The following TSHZ3 variants were observed in gnomAD, a reference collection of about 807,000 sequenced individuals.
TSHZ3 encodes the protein teashirt homolog 3.
A neutral mutation model predicts 64.5 loss-of-function variants in TSHZ3; 10 were observed. That is an observed-to-expected ratio of 0.16 (90% CI 0.10 to 0.26). TSHZ3 has a LOEUF of 0.26. Ranked by LOEUF, TSHZ3 falls within the 10% of genes least tolerant of loss-of-function variation. The pLI, the probability that TSHZ3 is intolerant of heterozygous loss-of-function variation, is 1.00. For synonymous variants in TSHZ3, 608 were observed against 593.1 expected (o/e 1.03, Z -0.36); for missense variants, 1,242 against 1,421.7 (o/e 0.87, Z 2.03).
chr19:31,202,863 T>A (rs1975108000), intron 5 of TSHZ3, among the ~76,000 whole-genome samples: 2 of 152,206 alleles, frequency 1.3e-5, no homozygotes, highest in Non-Finnish European at 2.9e-5. Flanking sequence ...CATTTGTTCA[T>A]GCAACAACTG....
At chr19:31,307,043 C>CA (rs113613435) in intron 1 of TSHZ3, among the ~76,000 whole-genome samples, 49 of 137,826 alleles carry the variant, frequency 3.6e-4, no homozygotes, top group Middle Eastern at 3.8e-3. Flanking sequence ...AATTAGAAGC[C>CA]AAAAAAAAAA....
At chr19:31,286,515 AC>A (rs1223836183) in intron 1 of TSHZ3, among the ~76,000 whole-genome samples, 1 of 152,240 alleles carries the variant, frequency 6.6e-6, no homozygotes, top group African/African-American at 2.4e-5. Flanking sequence ...CATTTTGCAG[AC>A]AAGGAAACAG....
intron 5 of TSHZ3, chr19:31,167,707 T>C (rs763827321): frequency 6.6e-6 from 1 of 152,198 alleles, no homozygotes; most frequent in South Asian, 2.1e-4. Flanking sequence ...AAAGAAATAC[T>C]TCATTGTCAC....
At chr19:31,175,858 C>A (rs1568337589) in intron 5 of TSHZ3, among the ~76,000 whole-genome samples, 1 of 152,228 alleles carries the variant, frequency 6.6e-6, no homozygotes. Flanking sequence ...CTGGCATCAG[C>A]CTTTACTTAG....
intron 5 of TSHZ3, among the ~76,000 whole-genome samples, chr19:31,179,546 C>A (rs958807800): frequency 6.6e-6 from 1 of 152,090 alleles, no homozygotes; most frequent in Admixed American, 6.5e-5. Context: ...AATCTATCCC[C>A]GTGATGAAGA....
intron 5 of TSHZ3, among the ~76,000 whole-genome samples, chr19:31,177,570 CAT>C (rs1368588459): frequency 6.6e-6 from 1 of 152,246 alleles, no homozygotes; most frequent in Non-Finnish European, 1.5e-5. Context: ...TACAAGGACA[CAT>C]GTGCTTGCAT....
intron 5 of TSHZ3, among the ~76,000 whole-genome samples, chr19:31,175,872 C>T (rs1170806197): frequency 2.0e-5 from 3 of 152,352 alleles, no homozygotes; most frequent in East Asian, 1.9e-4. Flanking sequence ...TACTTAGCCC[C>T]GCATCTCTGC....
intron 1 of TSHZ3, among the ~76,000 whole-genome samples, chr19:31,248,063 G>C (rs1975781593): frequency 6.6e-6 from 1 of 152,090 alleles, no homozygotes; most frequent in South Asian, 2.1e-4. Flanking sequence ...CCAAGTGCAA[G>C]CAGAAACCCC....
chr19:31,154,766 C>G (rs972907491), intron 6 of TSHZ3, among the ~76,000 whole-genome samples: 1 of 152,174 alleles, frequency 6.6e-6, no homozygotes, highest in Non-Finnish European at 1.5e-5. Flanking sequence ...CAGAGAGAAT[C>G]AGGAAAGTGT....
At chr19:31,324,603 C>A (rs536598106) in intron 1 of TSHZ3, among the ~76,000 whole-genome samples, 1 of 152,190 alleles carries the variant, frequency 6.6e-6, no homozygotes, top group Admixed American at 6.5e-5. Context: ...AGGCCTATGG[C>A]CTCTGGTATA....
chr19:31,249,321 T>C (rs890409712), intron 1 of TSHZ3, among the ~76,000 whole-genome samples: 1 of 152,208 alleles, frequency 6.6e-6, no homozygotes, highest in Non-Finnish European at 1.5e-5. Context: ...TTGAAACGCA[T>C]GTGCCTTTCC....
rs34646379 is a variant in TSHZ3, at chr19:31,305,318, G to GAA, written c.41-25568_41-25567dup. On this transcript the variant is annotated intron_variant, in intron 1 of 1. Transcript: ENST00000240587. ...GTGGTGAATTCTGCTGTCTGGAAAG[G>GAA]AAAAAAAAAAAAAGCCGCGTGTCAG... is the stretch of plus-strand genomic sequence containing the variant. Among the ~76,000 whole-genome samples, 53 of 139,694 alleles carry GAA rather than the reference G, an allele frequency of 3.8e-4. No homozygotes were observed. In the East Asian group the frequency reaches 8.1e-3, roughly 21 times the overall value. The allele number at this position is 139,694 out of a possible 152,430, so 91.6% of individuals were successfully genotyped here.
At chr19:31,272,457 T>A (rs555559148), downstream of TSHZ3, among the ~76,000 whole-genome samples, 1 of 152,240 alleles carries the variant, frequency 6.6e-6, no homozygotes, top group African/African-American at 2.4e-5. Context: ...AATATATATA[T>A]TTTTTCCTTT....
intron 5 of TSHZ3, among the ~76,000 whole-genome samples, chr19:31,168,063 T>A (rs1974480039): frequency 6.6e-6 from 1 of 152,124 alleles, no homozygotes; most frequent in Non-Finnish European, 1.5e-5. Flanking sequence ...AAGTGAATAA[T>A]TAGATCAGAG....
intron 1 of TSHZ3, among the ~76,000 whole-genome samples, chr19:31,298,362 T>C (rs574394297): frequency 6.6e-6 from 1 of 152,216 alleles, no homozygotes; most frequent in Non-Finnish European, 1.5e-5. Flanking sequence ...GAGGGAGGGC[T>C]CTGCACAAGC....
At chr19:31,261,648 C>T (rs1010145182) in intron 1 of TSHZ3, among the ~76,000 whole-genome samples, 3 of 152,148 alleles carry the variant, frequency 2.0e-5, no homozygotes, top group Non-Finnish European at 1.5e-5. Flanking sequence ...TCACTCTGAC[C>T]GTTGCCAAAA....
chr19:31,293,862 G>A (rs371107737), intron 1 of TSHZ3, among the ~76,000 whole-genome samples: 40 of 152,272 alleles, frequency 2.6e-4, no homozygotes, highest in Non-Finnish European at 4.6e-4. Flanking sequence ...TTTGGATGGC[G>A]CTGCTTAGGC....
intron 3 of TSHZ3, among the ~76,000 whole-genome samples, chr19:31,239,617 G>T (rs889027816): frequency 6.6e-6 from 1 of 151,390 alleles, no homozygotes; most frequent in Non-Finnish European, 1.5e-5. Context: ...ACAGAGTACT[G>T]TTCTGTCAGA....
intron 1 of TSHZ3, among the ~76,000 whole-genome samples, chr19:31,317,701 G>A (rs1298954302): frequency 1.3e-5 from 2 of 152,192 alleles, no homozygotes; most frequent in Admixed American, 6.5e-5. Flanking sequence ...CGCCTGCCCC[G>A]CTGCTCCCAA....
Sources: gnomAD v4.1 joint callset for allele counts (sites outside exome capture counted in the v4.1 genomes callset) on GRCh38, gnomAD v4.1.1 for gene constraint, MANE v1.5 for transcripts, NCBI Gene and HGNC (gene_info 2026-07-23, HGNC 2026-07-21) for gene names.